Variants in RNLS observed in about 807,000 individuals in gnomAD.
RNLS encodes the protein renalase.
In RNLS, 39 loss-of-function variants were observed where a neutral mutation model predicts 39.8. The ratio of observed to expected loss-of-function variants is 0.98; its 90% CI spans 0.76 to 1.28. The LOEUF (loss-of-function observed/expected upper bound fraction) is 1.28, where lower values mean the gene tolerates loss of function less well. RNLS is among the 50% of genes most tolerant of loss of function. The pLI is 0.00. For missense variants in RNLS, 410 were observed against 413.3 expected (o/e 0.99, Z 0.07); for synonymous variants, 147 against 150.7 (o/e 0.98, Z 0.18).
chr10:88,176,686 C>A, the RNLS span, among the ~76,000 whole-genome samples: 1 of 152,074 alleles, frequency 6.6e-6, no homozygotes, highest in African/African-American at 2.4e-5. Context: ...ATCTGCTCTA[C>A]CAGTGAATTT....
chr10:88,499,754 C>A (rs940089498), intron 4 of RNLS, among the ~76,000 whole-genome samples: 3 of 152,140 alleles, frequency 2.0e-5, no homozygotes, highest in African/African-American at 4.8e-5. Context: ...GGGCAATCAA[C>A]TTCTGCCAGC....
chr10:88,274,806 C>A, exon 7 of RNLS: 1 of 521,790 alleles, frequency 1.9e-6, no homozygotes, highest in South Asian at 2.5e-5. Flanking sequence ...ACATTCCCAC[C>A]GGCACTGCAC....
At chr10:88,352,629 G>A (rs1056876153) in intron 5 of RNLS, among the ~76,000 whole-genome samples, 5 of 152,124 alleles carry the variant, frequency 3.3e-5, no homozygotes, top group African/African-American at 7.2e-5. Context: ...TTTTTGCATC[G>A]ATGTTCATCA....
At chr10:88,557,368 A>T (rs967974351) in intron 4 of RNLS, among the ~76,000 whole-genome samples, 6 of 152,160 alleles carry the variant, frequency 3.9e-5, no homozygotes, top group African/African-American at 1.4e-4. Flanking sequence ...CTACTCAAAT[A>T]CATTTTAGAT....
the RNLS span, among the ~76,000 whole-genome samples, chr10:88,200,810 A>G: frequency 6.6e-6 from 1 of 152,042 alleles, no homozygotes; most frequent in South Asian, 2.1e-4. Flanking sequence ...GTCACTCTGA[A>G]TACCATAAGC....
downstream of RNLS, among the ~76,000 whole-genome samples, chr10:88,272,625 G>A (rs72818067): frequency 0.015 from 2,278 of 152,256 alleles, 22 homozygotes; most frequent in Non-Finnish European, 0.023. Flanking sequence ...GAAGAACTTG[G>A]TACAGCACAG....
At chr10:88,574,048 C>T (rs980058399) in intron 3 of RNLS, among the ~76,000 whole-genome samples, 4 of 151,958 alleles carry the variant, frequency 2.6e-5, no homozygotes, top group Admixed American at 2.0e-4. Context: ...GGCTAAGACA[C>T]GAGAATCGCT....
In RNLS at chr10:88,425,970, A is replaced by T. The variant is rs558774160; in HGVS notation, c.527-63245T>A. On this transcript the variant is annotated intron_variant, in intron 4 of 6. Coordinates refer to ENST00000331772, the MANE Select transcript of RNLS (RefSeq NM_001031709.3). ...GAGAAAGACCTAGAATAGAATGCACAAGTGTCCCTGAAAATTTTAAAGTTC... is the reference window on the plus strand; with the variant it reads ...GAGAAAGACCTAGAATAGAATGCACTAGTGTCCCTGAAAATTTTAAAGTTC... 2.6e-5 allele frequency among the ~76,000 whole-genome samples: 4 copies of T among 152,188 alleles called. No individual in the cohort carries two copies. In the South Asian group the frequency reaches 8.3e-4, roughly 31 times the overall value.
the RNLS span, among the ~76,000 whole-genome samples, chr10:88,244,055 G>A: frequency 3.3e-5 from 5 of 152,188 alleles, no homozygotes; most frequent in Admixed American, 6.5e-5. Context: ...TGGAAAGGCT[G>A]GTTTCCTCTG....
the RNLS span, among the ~76,000 whole-genome samples, chr10:88,176,576 A>G: frequency 6.6e-6 from 1 of 152,088 alleles, no homozygotes; most frequent in Non-Finnish European, 1.5e-5. Flanking sequence ...GCTGTTTTGC[A>G]TATCTTTTGT....
intron 4 of RNLS, among the ~76,000 whole-genome samples, chr10:88,545,079 TCATAATGTC>T (rs1420749374): frequency 2.0e-5 from 3 of 152,250 alleles, no homozygotes; most frequent in Non-Finnish European, 4.4e-5. Flanking sequence ...GCAGCTTGTC[TCATAATGTC>T]CCTTTGCTTT....
the RNLS span, among the ~76,000 whole-genome samples, chr10:88,208,061 C>T: frequency 6.6e-6 from 1 of 152,176 alleles, no homozygotes; most frequent in Non-Finnish European, 1.5e-5. Context: ...AGCAGCACAT[C>T]AAGCGACTGA....
intron 4 of RNLS, among the ~76,000 whole-genome samples, chr10:88,399,256 A>C (rs1166291720): frequency 6.6e-6 from 1 of 152,076 alleles, no homozygotes; most frequent in African/African-American, 2.4e-5. Flanking sequence ...CATATAACTT[A>C]GTGATTTCAC....
chr10:88,575,395 C>T (rs1850141785), intron 3 of RNLS, among the ~76,000 whole-genome samples: 1 of 151,490 alleles, frequency 6.6e-6, no homozygotes, highest in East Asian at 1.9e-4. Flanking sequence ...ATAAGAAACT[C>T]TGGGAATTGA....
Position 88,314,578 on chromosome 10 carries a change from A to T in RNLS, c.764T>A (p.Leu255Ter). 6.2e-7 allele frequency: 1 copy of T among 1,613,988 alleles called. No individual in the cohort carries two copies. The highest frequency in any genetic ancestry group is 8.5e-7 in the Non-Finnish European group (1 of 1,179,884). Reference protein sequence around the residue: ...HTTVPFGVTYLEHSIEDVQEL... With the variant: ...HTTVPFGVTY ...TTGCACATCCTCAATGCTGTGTTCC[A>T]AGTATGTAACTCCAAATGGGACAGT... The change falls in exon 6 of 7, where the codon TTG becomes TAG. Residue 255 changes from leucine to a stop codon, truncating the protein, a stop_gained. Coordinates refer to ENST00000331772, the MANE Select transcript of RNLS (RefSeq NM_001031709.3). LOFTEE classifies it high-confidence loss of function.
rs1394949142 is a variant in RNLS, at chr10:88,397,552, C to T, written c.527-34827G>A. ...TTAAATCAATAATCTGACATTCCAA[C>T]TTACAAAACTAGAAAAATAAGAGCA... On this transcript the variant is annotated intron_variant, in intron 4 of 6. Transcript: ENST00000331772. Among the ~76,000 whole-genome samples, 6 of 151,616 alleles carry T rather than the reference C, an allele frequency of 4.0e-5. No individual in the cohort carries two copies. The South Asian group carries it at 1.0e-3, about 26-fold the overall frequency.
At chr10:88,563,599 A>G (rs1252812501) in intron 4 of RNLS, among the ~76,000 whole-genome samples, 1 of 152,188 alleles carries the variant, frequency 6.6e-6, no homozygotes, top group Non-Finnish European at 1.5e-5. Context: ...AGCTGAAGCC[A>G]GAGAATGTAG....
chr10:88,242,826 A>G, the RNLS span, among the ~76,000 whole-genome samples: 1 of 152,176 alleles, frequency 6.6e-6, no homozygotes, highest in Admixed American at 6.5e-5. Context: ...GCATGCCTGT[A>G]ATCCCAGCTA....
chr10:88,370,115 C>T (rs908031213), intron 4 of RNLS, among the ~76,000 whole-genome samples: 6 of 152,156 alleles, frequency 3.9e-5, no homozygotes, highest in Admixed American at 2.6e-4. Flanking sequence ...CAAGTTGAAA[C>T]ATTATACTCT....
Sources: gnomAD v4.1 joint callset for allele counts (sites outside exome capture counted in the v4.1 genomes callset) on GRCh38, gnomAD v4.1.1 for gene constraint, MANE v1.5 for transcripts, NCBI Gene and HGNC (gene_info 2026-07-23, HGNC 2026-07-21) for gene names.